The following RORA variants were observed in gnomAD, a reference collection of about 807,000 sequenced individuals.
RORA encodes nuclear receptor ROR-alpha.
In RORA, 7 loss-of-function variants were observed where a neutral mutation model predicts 69.5. The observed-to-expected ratio is 0.10, with a 90% CI of 0.06 to 0.19. The LOEUF (loss-of-function observed/expected upper bound fraction) is 0.19. RORA is among the 10% of genes least tolerant of loss of function. The pLI is 1.00. For missense variants in RORA, 457 were observed against 663.0 expected, an observed-to-expected ratio of 0.69 and a Z score of 3.41; for synonymous variants, 261 against 240.8, an observed-to-expected ratio of 1.08 and a Z score of -0.78.
intron 1 of RORA, among the ~76,000 whole-genome samples, chr15:60,928,120 C>T (rs1025726949): frequency 1.3e-5 from 2 of 152,150 alleles, no homozygotes; most frequent in East Asian, 1.9e-4. Flanking sequence ...CACTGAACTG[C>T]CCTGCCCATA....
At chr15:60,842,736 C>A (rs761707114) in intron 1 of RORA, among the ~76,000 whole-genome samples, 81 of 151,874 alleles carry the variant, frequency 5.3e-4, no homozygotes, top group Non-Finnish European at 8.8e-4. Context: ...TCATGGTCAC[C>A]CCCTCCCAAA....
At chr15:60,981,814 A>T (rs942047002) in intron 1 of RORA, among the ~76,000 whole-genome samples, 1 of 146,724 alleles carries the variant, frequency 6.8e-6, no homozygotes, top group East Asian at 2.0e-4. Context: ...CACTTTCTCA[A>T]AGACAGTTAC....
chr15:60,858,988 T>G (rs2306501), intron 1 of RORA, among the ~76,000 whole-genome samples: 6 of 135,398 alleles, frequency 4.4e-5, no homozygotes, highest in Admixed American at 7.1e-5. Flanking sequence ...ATCTTTTTTT[T>G]TTTTTTTCCT....
chr15:60,749,727 C>T (rs1271462081), intron 1 of RORA, among the ~76,000 whole-genome samples: 3 of 152,088 alleles, frequency 2.0e-5, no homozygotes, highest in South Asian at 2.1e-4. Flanking sequence ...AAAACAATAA[C>T]GATAATAGCT....
chr15:60,993,462 A>C (rs1167561755), intron 1 of RORA, among the ~76,000 whole-genome samples: 1 of 152,032 alleles, frequency 6.6e-6, no homozygotes, highest in Non-Finnish European at 1.5e-5. Flanking sequence ...AACATGGTGA[A>C]ACCCCATCTC....
intron 2 of RORA, among the ~76,000 whole-genome samples, chr15:60,579,169 G>A (rs1400385423): frequency 1.3e-5 from 2 of 150,946 alleles, no homozygotes. Context: ...TAAGGTGCCA[G>A]CAGTTTTACC....
chr15:60,917,074 C>A (rs1048923510), intron 1 of RORA, among the ~76,000 whole-genome samples: 2 of 152,180 alleles, frequency 1.3e-5, no homozygotes, highest in Non-Finnish European at 2.9e-5. Flanking sequence ...AACAGAGGAG[C>A]TGCTTCAACA....
At chr15:60,673,514 A>T (rs2070506590) in intron 2 of RORA, among the ~76,000 whole-genome samples, 1 of 152,236 alleles carries the variant, frequency 6.6e-6, no homozygotes, top group Non-Finnish European at 1.5e-5. Context: ...GGAGATGAGC[A>T]GCGGGGATAG....
chr15:61,072,802 G>A (rs2078386831), intron 1 of RORA, among the ~76,000 whole-genome samples: 1 of 152,206 alleles, frequency 6.6e-6, no homozygotes, highest in South Asian at 2.1e-4. Flanking sequence ...AAGGAATGCA[G>A]TATTAGGACT....
At chr15:60,767,622 C>G (rs1248211863) in intron 1 of RORA, among the ~76,000 whole-genome samples, 2 of 152,172 alleles carry the variant, frequency 1.3e-5, no homozygotes. Context: ...CACTGAAACT[C>G]AACTCTGCTC....
chr15:61,217,346 G>A (rs1020336024), intron 1 of RORA, among the ~76,000 whole-genome samples: 2 of 152,176 alleles, frequency 1.3e-5, no homozygotes, highest in African/African-American at 4.8e-5. Context: ...CCATATGACT[G>A]ACTGCTGTAA....
chr15:60,725,134 G>C (rs529260259), intron 1 of RORA, among the ~76,000 whole-genome samples: 4 of 152,332 alleles, frequency 2.6e-5, no homozygotes, highest in Admixed American at 2.6e-4. Flanking sequence ...ACCATATTCA[G>C]AAGTGCCACA....
At chr15:60,972,364 T>C (rs1436960986) in intron 1 of RORA, among the ~76,000 whole-genome samples, 2 of 152,196 alleles carry the variant, frequency 1.3e-5, no homozygotes, top group Admixed American at 6.5e-5. Flanking sequence ...CGCATGTGTA[T>C]GTGTGTAGCT....
rs112438480 is a variant in RORA, at chr15:60,490,397, CAG to C, written c.*7056_*7057del. ...TACAGCATATTGTGGATTTGATAAA[CAG>C]ATAAATATTTGCACTGAGTAGGCTG... On this transcript the variant is annotated 3_prime_UTR_variant, in exon 11 of 11. Coordinates refer to ENST00000335670, the MANE Select transcript of RORA (RefSeq NM_134261.3). This position sits in a 1 kb window ranked among gnomAD's most constrained non-coding sequence, Gnocchi z 4.1. The C allele has an allele frequency of 3.3e-5, 5 of 152,122 alleles. 1 individual carries two copies. Among genetic ancestry groups the C allele is most frequent in the African/African-American group, 1.2e-4 (5 of 41,516 alleles). The allele number at this position is 152,122 out of a possible 1,614,324, so 9.4% of individuals were successfully genotyped here. A position where few individuals can be genotyped will look rare whatever the true frequency, so the allele number is the denominator to read the frequency against.
At chr15:60,960,292 A>AT (rs1422895963) in intron 1 of RORA, among the ~76,000 whole-genome samples, 1 of 152,190 alleles carries the variant, frequency 6.6e-6, no homozygotes, top group Non-Finnish European at 1.5e-5. Context: ...TGGTGCTCTC[A>AT]TGCAATTCCT....
Position 60,773,601 on chromosome 15 carries a change from G to C in RORA, c.167-94915C>G, listed in dbSNP as rs1378019982. On this transcript the variant is annotated intron_variant, in intron 1 of 10. Coordinates refer to ENST00000335670, the MANE Select transcript of RORA (RefSeq NM_134261.3). Reference sequence around the variant, plus strand: ...AACTATTAAGTCTGGCTACAAAAGAGAGAATTGAAAGCAAGAGAACTCTCC... The same window carrying C: ...AACTATTAAGTCTGGCTACAAAAGACAGAATTGAAAGCAAGAGAACTCTCC... Among the ~76,000 whole-genome samples, 4 of 152,180 alleles carry C rather than the reference G, an allele frequency of 2.6e-5. No individual in the cohort carries two copies. The East Asian group carries it at 5.8e-4, about 22-fold the overall frequency.
chr15:60,822,693 G>C (rs992261952), intron 1 of RORA, among the ~76,000 whole-genome samples: 1 of 152,190 alleles, frequency 6.6e-6, no homozygotes, highest in Non-Finnish European at 1.5e-5. Context: ...TCAGCACCAC[G>C]CTTTCTGGCA....
chr15:61,053,721 C>A (rs536390812), intron 1 of RORA, among the ~76,000 whole-genome samples: 2 of 151,420 alleles, frequency 1.3e-5, no homozygotes, highest in Non-Finnish European at 2.9e-5. Context: ...CAAGGGGCTA[C>A]AGGGAGACGA....
At chr15:60,741,325 G>C (rs2071573025) in intron 1 of RORA, among the ~76,000 whole-genome samples, 1 of 152,136 alleles carries the variant, frequency 6.6e-6, no homozygotes, top group African/African-American at 2.4e-5. Flanking sequence ...GCGCTCCCAG[G>C]CTTCTCCTTC....
Sources: allele counts gnomAD v4.1 joint callset (sites outside exome capture counted in the v4.1 genomes callset), GRCh38; gene constraint gnomAD v4.1.1; non-coding constraint Gnocchi (gnomAD v3.1); transcripts MANE v1.5; gene names NCBI Gene and HGNC (gene_info 2026-07-23, HGNC 2026-07-21).